Variants in TRPC5 observed in about 807,000 individuals in gnomAD.
TRPC5 encodes the protein transient receptor potential cation channel subfamily C member 5.
TRPC5 carries 9 observed loss-of-function variants against 56.5 expected under a neutral mutation model. The ratio of observed to expected loss-of-function variants is 0.16; its 90% CI spans 0.10 to 0.28. The LOEUF is 0.28. Ranked by LOEUF, TRPC5 falls within the 10% of genes least tolerant of loss-of-function variation. The pLI is 1.00. For synonymous variants in TRPC5, 282 were observed against 278.5 expected (o/e 1.01, Z -0.13); for missense variants, 469 against 748.9 (o/e 0.63, Z 4.36).
rs180945280 is a variant in TRPC5, at chrX:111,882,075, A to G, written c.901-27969T>C. On this transcript the variant is annotated intron_variant, in intron 3 of 10. Coordinates refer to ENST00000262839, the MANE Select transcript of TRPC5 (RefSeq NM_012471.3). ...TTGCACATTATGGGCAAAAGCCGTA[A>G]AGTCACCTGCTGCTGTACTGTACTC... The G allele has an allele frequency of 3.0e-4, 33 of 111,108 alleles. No homozygotes were observed. In the Admixed American group the frequency reaches 3.1e-3, roughly 10 times the overall value. 9.2% of individuals were successfully genotyped at this position (111,108 alleles called of 1,213,427 possible). A position where few individuals can be genotyped will look rare whatever the true frequency, so the allele number is the denominator to read the frequency against.
chrX:111,909,839 G>A (rs1005992467), intron 3 of TRPC5, among the ~76,000 whole-genome samples: 3 of 111,328 alleles, frequency 2.7e-5, no homozygotes, highest in African/African-American at 9.8e-5. Flanking sequence ...ATAATGAGAA[G>A]GTTAATGAGG....
At chrX:112,020,051 T>C (rs1929232398) in intron 1 of TRPC5, among the ~76,000 whole-genome samples, 1 of 111,885 alleles carries the variant, frequency 8.9e-6, no homozygotes, top group Admixed American at 9.5e-5. Context: ...GTATCTAACA[T>C]TGAATATACT....
chrX:111,781,013 A>G lies in TRPC5; in HGVS notation c.2142+152T>C, dbSNP rs932283109. On this transcript the variant is annotated intron_variant, in intron 9 of 10. Transcript: ENST00000262839. ...TAAAGCAGGTGATTCCACTTGGAGAAGGTACTTCAGCCCTTGATAAATTAC... is the reference window on the plus strand; with the variant it reads ...TAAAGCAGGTGATTCCACTTGGAGAGGGTACTTCAGCCCTTGATAAATTAC... 16 of 571,162 alleles carry G rather than the reference A, an allele frequency of 2.8e-5. No homozygotes were observed. In the African/African-American group the frequency reaches 3.6e-4, roughly 13 times the overall value. The allele number at this position is 571,162 out of a possible 1,213,427, so 47.1% of individuals were successfully genotyped here.
At chrX:111,947,492 A>G (rs1388078490) in intron 2 of TRPC5, among the ~76,000 whole-genome samples, 1 of 110,751 alleles carries the variant, frequency 9.0e-6, no homozygotes, top group East Asian at 2.8e-4. Flanking sequence ...CTGCACTACC[A>G]CATCCAGCTA....
At chrX:111,957,111 C>T (rs1378985667) in intron 1 of TRPC5, among the ~76,000 whole-genome samples, 1 of 112,337 alleles carries the variant, frequency 8.9e-6, no homozygotes. Context: ...GAGCATCCTA[C>T]TGGTCTGCTT....
intron 7 of TRPC5, among the ~76,000 whole-genome samples, chrX:111,826,357 A>G (rs142452379): frequency 0.01 from 1,124 of 112,272 alleles, 19 homozygotes; most frequent in African/African-American, 0.035. Context: ...GTCTGAAATG[A>G]GATTATCAGC....
At chrX:111,860,991 C>T (rs1432876370) in intron 3 of TRPC5, among the ~76,000 whole-genome samples, 1 of 105,539 alleles carries the variant, frequency 9.5e-6, no homozygotes. Context: ...AGTTGTTTTT[C>T]TGTTTGTTTG....
chrX:111,919,476 C>T (rs754042603), intron 2 of TRPC5, among the ~76,000 whole-genome samples: 2 of 112,069 alleles, frequency 1.8e-5, no homozygotes, highest in African/African-American at 3.2e-5. Context: ...CAAAGCTCCA[C>T]GGCTCCATTA....
chrX:112,023,234 G>GTTTTTT (rs749260030), intron 1 of TRPC5, among the ~76,000 whole-genome samples: 7 of 45,961 alleles, frequency 1.5e-4, no homozygotes, highest in African/African-American at 5.6e-4. Context: ...GCGCCCAGCA[G>GTTTTTT]TTTTTTTTTT....
intron 7 of TRPC5, among the ~76,000 whole-genome samples, chrX:111,788,965 T>A (rs377296297): frequency 2.7e-5 from 3 of 111,710 alleles, no homozygotes; most frequent in Admixed American, 9.5e-5. Context: ...GGAAGAATCA[T>A]TATCGTGAAA....
intron 7 of TRPC5, among the ~76,000 whole-genome samples, chrX:111,791,800 T>C (rs1197175977): frequency 1.8e-5 from 2 of 112,367 alleles, no homozygotes; most frequent in East Asian, 5.6e-4. Flanking sequence ...AGTGCCAGCT[T>C]GGAAGTGATA....
At chrX:111,818,377 T>A (rs945180005) in intron 7 of TRPC5, among the ~76,000 whole-genome samples, 1 of 111,036 alleles carries the variant, frequency 9.0e-6, no homozygotes, top group African/African-American at 3.3e-5. Flanking sequence ...TATTAATGGA[T>A]TCCTCTCTAT....
intron 1 of TRPC5, among the ~76,000 whole-genome samples, chrX:112,073,629 C>A (rs1262777807): frequency 9.0e-6 from 1 of 111,547 alleles, no homozygotes; most frequent in Non-Finnish European, 1.9e-5. Flanking sequence ...CCTAAACTTT[C>A]TCTTGAGCTC....
chrX:111,846,974 G>T (rs1343567422), intron 6 of TRPC5, 140 bp downstream of exon 6: 3 of 644,816 alleles, frequency 4.7e-6, no homozygotes, highest in South Asian at 6.0e-5. Flanking sequence ...CTGACCCTTC[G>T]GGTGGATCCA....
rs1946046260 is a variant in TRPC5, at chrX:111,794,578, A to G, written c.1897-12440T>C. Among the ~76,000 whole-genome samples the G allele has an allele frequency of 2.7e-5, 3 of 111,808 alleles. No homozygotes were observed. In the Admixed American group the frequency reaches 2.9e-4, roughly 11 times the overall value. ...AGTGATTGTCAATGAGACTTAGTTT[A>G]TTTGGGCTGCTATAACAAAATACCA... On this transcript the variant is annotated intron_variant, in intron 7 of 10. Transcript: ENST00000262839.
rs755881697 is a variant in TRPC5, at chrX:111,818,604, C to CT, written c.1896+16316dup. On this transcript the variant is annotated intron_variant, in intron 7 of 10. Coordinates refer to ENST00000262839, the MANE Select transcript of TRPC5 (RefSeq NM_012471.3). ...CCTACCACTTTTCTTTTCTTTTTCT[C>CT]TTTTTTTTTTTTTTTTTTTAGACAG... is the stretch of plus-strand genomic sequence containing the variant. 8.5e-3 allele frequency among the ~76,000 whole-genome samples: 795 copies of CT among 93,577 alleles called. 9 individuals carry two copies. The highest frequency in any genetic ancestry group is 9.9e-3 in the Non-Finnish European group (456 of 46,206). The allele number at this position is 93,577 out of a possible 115,157, so 81.3% of individuals were successfully genotyped here.
chrX:111,962,927 T>A lies in TRPC5; in HGVS notation c.-21-10486A>T, dbSNP rs775752770. ...GCAGAAGATGGGTGATTTCTGCATT[T>A]CCATCTGAGGTACCGGGTTGATCTC... On this transcript the variant is annotated intron_variant, in intron 1 of 10. Coordinates refer to ENST00000262839, the MANE Select transcript of TRPC5 (RefSeq NM_012471.3). 4.4e-4 allele frequency among the ~76,000 whole-genome samples: 49 copies of A among 111,902 alleles called. 1 individual carries two copies. Among genetic ancestry groups the A allele is most frequent in the Non-Finnish European group, 8.1e-4 (43 of 53,136 alleles).
intron 1 of TRPC5, among the ~76,000 whole-genome samples, chrX:112,050,190 C>G (rs1930179883): frequency 9.0e-6 from 1 of 110,868 alleles, no homozygotes; most frequent in Non-Finnish European, 1.9e-5. Context: ...CAAAAACAAA[C>G]AAACAAACAA....
intron 1 of TRPC5, among the ~76,000 whole-genome samples, chrX:111,999,926 A>G (rs1297008140): frequency 9.0e-6 from 1 of 111,684 alleles, no homozygotes; most frequent in African/African-American, 3.3e-5. Flanking sequence ...AGATCGCACC[A>G]CTGCACTCCA....
Sources: allele counts gnomAD v4.1 joint callset (sites outside exome capture counted in the v4.1 genomes callset), GRCh38; gene constraint gnomAD v4.1.1; transcripts MANE v1.5; gene names NCBI Gene and HGNC (gene_info 2026-07-23, HGNC 2026-07-21).